TRAPPC9: variants seen among roughly 807,000 people sequenced by gnomAD.
TRAPPC9 encodes the protein trafficking protein particle complex subunit 9, also known as IKK2 binding protein.
In TRAPPC9, 83 loss-of-function variants were observed where a neutral mutation model predicts 124.0. The observed-to-expected ratio is 0.67, with a 90% confidence interval of 0.56 to 0.80. The LOEUF (loss-of-function observed/expected upper bound fraction) is 0.80, where lower values mean the gene tolerates loss of function less well. TRAPPC9 is among the 30% of genes least tolerant of loss of function. TRAPPC9 has a pLI of 0.00. For missense variants in TRAPPC9, 1,302 were observed against 1,508.3 expected (o/e 0.86, Z 2.27); for synonymous variants, 638 against 617.5 (o/e 1.03, Z -0.49).
chr8:140,230,463 T>C (rs1454142880), intron 16 of TRAPPC9, among the ~76,000 whole-genome samples: 1 of 151,814 alleles, frequency 6.6e-6, no homozygotes, highest in East Asian at 1.9e-4. Context: ...ACAAAAAAAA[T>C]TAGCTGGGCA....
chr8:140,274,997 T>C (rs987239996), intron 15 of TRAPPC9, among the ~76,000 whole-genome samples: 16 of 152,180 alleles, frequency 1.1e-4, no homozygotes, highest in Admixed American at 7.9e-4. Flanking sequence ...CCGGTTTTAT[T>C]TACACATATT....
In TRAPPC9 at chr8:139,729,643, C is replaced by T. The variant is rs1243571708; in HGVS notation, c.*1418G>A. On this transcript the variant is annotated 3_prime_UTR_variant, in exon 23 of 23. Transcript: ENST00000438773. ...CCACAGATGGAACAAAAAATTTGTT[C>T]CTTAGGCCGGAGGCCACAGGGTGAC... 6.6e-6 allele frequency among the ~76,000 whole-genome samples: 1 copy of T among 152,168 alleles called. No individual in the cohort carries two copies. The highest frequency in any genetic ancestry group is 6.5e-5 in the Admixed American group (1 of 15,280).
At chr8:140,299,495 A>G (rs1190903459) in intron 11 of TRAPPC9, among the ~76,000 whole-genome samples, 1 of 152,276 alleles carries the variant, frequency 6.6e-6, no homozygotes, top group East Asian at 1.9e-4. Context: ...ACTGGATATC[A>G]AACACAGAGC....
chr8:139,809,939 C>T (rs981505668), intron 21 of TRAPPC9, among the ~76,000 whole-genome samples: 8 of 152,070 alleles, frequency 5.3e-5, no homozygotes, highest in African/African-American at 1.9e-4. Flanking sequence ...CTCCTGTGTG[C>T]GCTGAAAGCA....
intron 21 of TRAPPC9, among the ~76,000 whole-genome samples, chr8:139,821,889 G>A (rs917931210): frequency 2.0e-5 from 3 of 152,184 alleles, no homozygotes; most frequent in African/African-American, 4.8e-5. Flanking sequence ...CATGGAGCTC[G>A]ACGGAGAGAA....
intron 17 of TRAPPC9, among the ~76,000 whole-genome samples, chr8:140,172,790 C>G (rs553373550): frequency 3.9e-5 from 6 of 152,294 alleles, no homozygotes; most frequent in African/African-American, 1.4e-4. Context: ...AAGAAAAGTA[C>G]TATCATTCCC....
rs532854172 is a variant in TRAPPC9, at chr8:140,092,537, C to G, written c.2557-68458G>C. 3.3e-5 allele frequency among the ~76,000 whole-genome samples: 5 copies of G among 152,206 alleles called. No individual in the cohort carries two copies. In the South Asian group the frequency reaches 1.0e-3, roughly 32 times the overall value. On this transcript the variant is annotated intron_variant, in intron 17 of 22. Coordinates refer to ENST00000438773, the MANE Select transcript of TRAPPC9 (RefSeq NM_001160372.4). The stretch of plus-strand genomic sequence containing the variant: ...TCTAAAATATATATCATTTTGTTTT[C>G]CAAGTGAGAAAAGGAATCAGAGAGA...
chr8:140,167,329 A>G lies in TRAPPC9; in HGVS notation c.2556+54130T>C, dbSNP rs570952820. The stretch of plus-strand genomic sequence containing the variant: ...CACAGATTTTTATAAGAGGATTTCA[A>G]AAATAGGGGTGAAGTGGTTTAAGGA... On this transcript the variant is annotated intron_variant, in intron 17 of 22. Coordinates refer to ENST00000438773, the MANE Select transcript of TRAPPC9 (RefSeq NM_001160372.4). Among the ~76,000 whole-genome samples, 15 of 152,308 alleles carry G rather than the reference A, an allele frequency of 9.8e-5. No homozygotes were observed. The South Asian group carries it at 2.9e-3, about 30-fold the overall frequency.
chr8:139,911,435 G>C (rs1288569020), intron 19 of TRAPPC9: 2 of 152,224 alleles, frequency 1.3e-5, no homozygotes. Context: ...TTTGGGCCGG[G>C]TGCGACACCT....
chr8:139,830,678 CATACACATGCAT>C (rs1315513108), intron 21 of TRAPPC9, among the ~76,000 whole-genome samples: 1 of 152,096 alleles, frequency 6.6e-6, no homozygotes, highest in African/African-American at 2.4e-5. Context: ...CATGCACACA[CATACACATGCAT>C]ATACACATGC....
chr8:140,201,522 T>C (rs950457139), intron 17 of TRAPPC9, among the ~76,000 whole-genome samples: 2 of 152,246 alleles, frequency 1.3e-5, no homozygotes, highest in African/African-American at 4.8e-5. Flanking sequence ...AAACAGCTCA[T>C]AGAGTTCTCA....
At chr8:140,040,034 TACTG>T (rs1841163942) in intron 17 of TRAPPC9, 1 of 152,202 alleles carries the variant, frequency 6.6e-6, no homozygotes, top group Non-Finnish European at 1.5e-5. Context: ...GCAATTCTAA[TACTG>T]ACTATGTGGA....
At chr8:140,009,695 C>A (rs1383947252) in intron 18 of TRAPPC9, among the ~76,000 whole-genome samples, 1 of 152,240 alleles carries the variant, frequency 6.6e-6, no homozygotes. Context: ...CACTCCCGCC[C>A]GTGGCGCAAC....
At position 140,070,236 on chromosome 8, in the gene TRAPPC9, C is replaced by G. The variant is rs539469559; in HGVS notation, c.2557-46157G>C. Among the ~76,000 whole-genome samples, 31 of 152,294 alleles carry G rather than the reference C, an allele frequency of 2.0e-4. No individual in the cohort carries two copies. In the South Asian group the frequency reaches 5.8e-3, roughly 29 times the overall value. ...CTTGGAAGGGCATCTTCACGCATAC[C>G]TTTTTTTCTACTTTTGAATTATTTT... is the stretch of plus-strand genomic sequence containing the variant. On this transcript the variant is annotated intron_variant, in intron 17 of 22. Transcript: ENST00000438773.
intron 4 of TRAPPC9, among the ~76,000 whole-genome samples, chr8:140,433,929 C>A (rs940829294): frequency 5.3e-5 from 8 of 152,170 alleles, no homozygotes; most frequent in Non-Finnish European, 1.0e-4. Flanking sequence ...ACTGGCTGTC[C>A]GGAACCACTC....
In TRAPPC9 at chr8:140,157,293, CT is replaced by C. The variant is rs374126826; in HGVS notation, c.2556+64165del. 1.6e-4 allele frequency among the ~76,000 whole-genome samples: 4 copies of C among 25,300 alleles called. 1 individual carries two copies. Among genetic ancestry groups the C allele is most frequent in the Admixed American group, 7.8e-4 (2 of 2,554 alleles). The allele number at this position is 25,300 out of a possible 152,430, so 16.6% of individuals were successfully genotyped here. On this transcript the variant is annotated intron_variant, in intron 17 of 22. Transcript: ENST00000438773. ...CTCCCTTTTCCATTCAAAAGCCTCC[CT>C]TTTCCATTCAAAAGCCTCCCTTTTC...
intron 17 of TRAPPC9, among the ~76,000 whole-genome samples, chr8:140,189,991 G>A (rs2062448986): frequency 6.6e-6 from 1 of 152,126 alleles, no homozygotes; most frequent in Non-Finnish European, 1.5e-5. Context: ...CACATTCTTG[G>A]TAAGTTTTGA....
At chr8:139,887,798 G>T (rs894908868) in intron 20 of TRAPPC9, among the ~76,000 whole-genome samples, 4 of 152,220 alleles carry the variant, frequency 2.6e-5, no homozygotes, top group Non-Finnish European at 5.9e-5. Flanking sequence ...TGAAGGCAGA[G>T]ACCTGGTCTT....
At chr8:139,835,056 A>C (rs1201081485) in intron 21 of TRAPPC9, among the ~76,000 whole-genome samples, 1 of 152,148 alleles carries the variant, frequency 6.6e-6, no homozygotes, top group African/African-American at 2.4e-5. Context: ...CCCCCCATGG[A>C]GTGGGCATCA....
Sources: allele counts gnomAD v4.1 joint callset (sites outside exome capture counted in the v4.1 genomes callset), GRCh38; gene constraint gnomAD v4.1.1; transcripts MANE v1.5; gene names NCBI Gene and HGNC (gene_info 2026-07-23, HGNC 2026-07-21).